The following LATS2 variants were observed in gnomAD, a reference collection of about 807,000 sequenced individuals.
The protein encoded by LATS2 is large tumor suppressor kinase 2, also known as serine/threonine-protein kinase LATS2.
In LATS2, 24 loss-of-function variants were observed where a neutral mutation model predicts 76.0. The ratio of observed to expected loss-of-function variants is 0.32; its 90% CI spans 0.23 to 0.44. LATS2 has a LOEUF of 0.44. LATS2 is among the 20% of genes least tolerant of loss of function. The pLI is 1.00. For synonymous variants in LATS2, 692 were observed against 635.4 expected, an observed-to-expected ratio of 1.09 and a Z score of -1.34; for missense variants, 1,286 against 1,481.2, an observed-to-expected ratio of 0.87 and a Z score of 2.16.
rs371131272 is a variant in LATS2, at chr13:21,016,692, A to G, written c.343-25288T>C. On this transcript the variant is annotated intron_variant, in intron 2 of 7. Coordinates refer to ENST00000382592, the MANE Select transcript of LATS2 (RefSeq NM_014572.3). The stretch of plus-strand genomic sequence containing the variant: ...ACAGCAGCTCTCTGCTGCAAATACC[A>G]AGGCGCCAAGAGCAGCCTCTCAGGC... Among the ~76,000 whole-genome samples the G allele has an allele frequency of 1.5e-3, 231 of 152,300 alleles. 1 individual carries two copies. The highest frequency in any genetic ancestry group is 5.0e-3 in the African/African-American group (206 of 41,572).
chr13:21,035,625 G>A (rs117224832), intron 2 of LATS2, among the ~76,000 whole-genome samples: 1,973 of 152,294 alleles, frequency 0.013, 20 homozygotes, highest in Non-Finnish European at 0.021. Context: ...AGCAGTAAAC[G>A]TTTGGTGTGA....
intron 5 of LATS2, among the ~76,000 whole-genome samples, chr13:20,982,600 C>T (rs376233949): frequency 7.2e-5 from 11 of 152,248 alleles, no homozygotes; most frequent in African/African-American, 2.4e-4. Context: ...CGTGAGCCAC[C>T]ATGCCCAGCC....
At chr13:21,050,000 A>G (rs1873208060) in intron 1 of LATS2, among the ~76,000 whole-genome samples, 1 of 152,034 alleles carries the variant, frequency 6.6e-6, no homozygotes, top group African/African-American at 2.4e-5. Flanking sequence ...ACACCCCTGT[A>G]GTCCAGCTAC....
chr13:21,056,290 C>T (rs879357070), intron 1 of LATS2, among the ~76,000 whole-genome samples: 19 of 152,014 alleles, frequency 1.2e-4, no homozygotes, highest in Non-Finnish European at 2.2e-4. Flanking sequence ...CCCCCCGCCT[C>T]GGCCTCCCAA....
intron 3 of LATS2, among the ~76,000 whole-genome samples, chr13:20,990,921 G>A (rs1178292198): frequency 6.6e-6 from 1 of 152,182 alleles, no homozygotes; most frequent in African/African-American, 2.4e-5. Flanking sequence ...CCCTCCACAG[G>A]CCCAAGAGAA....
intron 2 of LATS2, among the ~76,000 whole-genome samples, chr13:21,040,864 G>A (rs547327091): frequency 2.8e-4 from 42 of 152,276 alleles, no homozygotes; most frequent in African/African-American, 9.6e-4. Context: ...GGATGGAAAT[G>A]AGAAAAGAAT....
chr13:21,007,604 T>TATATATATATATA (rs1871349357), intron 2 of LATS2, among the ~76,000 whole-genome samples: 10 of 862 alleles, frequency 0.012, 1 homozygote, highest in Non-Finnish European at 0.018. Flanking sequence ...ATATATATAG[T>TATATATATATATA]GTGTATATAT....
intron 2 of LATS2, among the ~76,000 whole-genome samples, chr13:20,998,609 G>A (rs1391981207): frequency 6.6e-6 from 1 of 152,212 alleles, no homozygotes; most frequent in Non-Finnish European, 1.5e-5. Flanking sequence ...CCACCCCCAC[G>A]GAAAGGCCCC....
chr13:21,056,988 G>A (rs879639288), intron 1 of LATS2, among the ~76,000 whole-genome samples: 4 of 152,140 alleles, frequency 2.6e-5, no homozygotes, highest in East Asian at 3.8e-4. Context: ...GGTGTCGTCC[G>A]GGTACATTTA....
At chr13:20,987,848 G>C (rs1175834424) in intron 4 of LATS2, 33 bp downstream of exon 4, 4 of 1,597,830 alleles carry the variant, frequency 2.5e-6, no homozygotes, top group East Asian at 4.5e-5. Context: ...GGATGAGCCG[G>C]GAACAAATAG....
chr13:20,993,035 CAAAAA>C (rs551359225), intron 2 of LATS2, among the ~76,000 whole-genome samples: 1 of 88,972 alleles, frequency 1.1e-5, no homozygotes. Flanking sequence ...ACTCCATCTC[CAAAAA>C]AAAAAAAAAA....
intron 2 of LATS2, among the ~76,000 whole-genome samples, chr13:21,003,643 T>C (rs1453000520): frequency 6.6e-6 from 1 of 152,110 alleles, no homozygotes; most frequent in East Asian, 1.9e-4. Context: ...GGTTTCACCA[T>C]GTTGACCAGG....
intron 2 of LATS2, among the ~76,000 whole-genome samples, chr13:21,027,339 T>C (rs1474962464): frequency 2.0e-5 from 3 of 152,210 alleles, no homozygotes; most frequent in Non-Finnish European, 4.4e-5. Flanking sequence ...TTTTTAGCTG[T>C]TTTATATTTA....
At chr13:21,059,720 C>G (rs150515011) in intron 1 of LATS2, among the ~76,000 whole-genome samples, 2,484 of 152,226 alleles carry the variant, frequency 0.016, 58 homozygotes, top group African/African-American at 0.057. Context: ...AATCCCAGCA[C>G]TCTGGGAGAC....
intron 1 of LATS2, among the ~76,000 whole-genome samples, chr13:21,047,482 T>C (rs564882654): frequency 1.3e-5 from 2 of 152,274 alleles, no homozygotes; most frequent in East Asian, 1.9e-4. Flanking sequence ...CCAAAGCCCT[T>C]AGTGGCTGCC....
At chr13:21,000,401 T>A (rs1036887308) in intron 2 of LATS2, among the ~76,000 whole-genome samples, 6 of 151,804 alleles carry the variant, frequency 4.0e-5, no homozygotes, top group Non-Finnish European at 7.4e-5. Context: ...ATAATAATAA[T>A]AAAGATAAAT....
In LATS2 at chr13:20,975,308, C is replaced by T. The variant is rs181660661; in HGVS notation, c.2829G>A (p.Glu943=). The part of the protein sequence containing the change: ...HIPAQVKLSP[E]ARDLITKLCC... The stretch of plus-strand genomic sequence containing the variant: ...ACAGCTTGGTGATGAGGTCCCTGGC[C>T]TCAGGGCTCAGCTTCACCTGGGCTG... Residue 943 remains glutamate, a synonymous_variant, in exon 8 of 8, where the codon GAG becomes GAA. Coordinates refer to ENST00000382592, the MANE Select transcript of LATS2 (RefSeq NM_014572.3). 1.2e-6 allele frequency: 2 copies of T among 1,606,786 alleles called. No individual in the cohort carries two copies. Among genetic ancestry groups the T allele is most frequent in the Non-Finnish European group, 1.7e-6 (2 of 1,175,946 alleles).
chr13:20,996,338 A>G (rs1367422884), intron 2 of LATS2, among the ~76,000 whole-genome samples: 1 of 151,894 alleles, frequency 6.6e-6, no homozygotes, highest in African/African-American at 2.4e-5. Flanking sequence ...CATCCAGTCC[A>G]GAAGCATTTT....
chr13:21,026,554 A>T (rs1872317888), intron 2 of LATS2, among the ~76,000 whole-genome samples: 1 of 152,220 alleles, frequency 6.6e-6, no homozygotes, highest in Non-Finnish European at 1.5e-5. Context: ...TTACAAATAA[A>T]ACTACTATAA....
Sources: allele counts gnomAD v4.1 joint callset (sites outside exome capture counted in the v4.1 genomes callset), GRCh38; gene constraint gnomAD v4.1.1; transcripts MANE v1.5; gene names NCBI Gene and HGNC (gene_info 2026-07-23, HGNC 2026-07-21).